ATG10: variants seen among roughly 807,000 people sequenced by gnomAD.
ATG10 encodes the protein autophagy related 10.
In ATG10, 30 loss-of-function variants were observed where a neutral mutation model predicts 32.1. The observed-to-expected ratio is 0.94, with a 90% CI of 0.70 to 1.27. The LOEUF (loss-of-function observed/expected upper bound fraction) is 1.27. ATG10 is among the 50% of genes most tolerant of loss of function. ATG10 has a pLI of 0.00. For missense variants in ATG10, 233 were observed against 262.3 expected (o/e 0.89, Z 0.77); for synonymous variants, 87 against 91.5 (o/e 0.95, Z 0.28).
At chr5:82,114,916 C>T (rs752654203) in intron 3 of ATG10, among the ~76,000 whole-genome samples, 3 of 151,964 alleles carry the variant, frequency 2.0e-5, no homozygotes, top group Non-Finnish European at 1.5e-5. Flanking sequence ...ACAATATGAT[C>T]GCTACTAGCC....
chr5:82,160,568 A>G (rs1185889519), intron 3 of ATG10, among the ~76,000 whole-genome samples: 1 of 152,158 alleles, frequency 6.6e-6, no homozygotes, highest in Non-Finnish European at 1.5e-5. Context: ...TCTATGAGAA[A>G]CTGTCATATG....
intron 3 of ATG10, among the ~76,000 whole-genome samples, chr5:82,129,820 G>T (rs1037372316): frequency 3.3e-5 from 5 of 152,104 alleles, no homozygotes; most frequent in East Asian, 3.9e-4. Flanking sequence ...AGTCAGGGGG[G>T]TCAGGGAGCC....
intron 1 of ATG10, among the ~76,000 whole-genome samples, chr5:81,976,622 A>G (rs1005497560): frequency 6.6e-6 from 1 of 152,094 alleles, no homozygotes; most frequent in Non-Finnish European, 1.5e-5. Flanking sequence ...CCAATCACAG[A>G]TTTTCTTGGC....
At chr5:81,987,396 A>G (rs1260181978) in intron 1 of ATG10, among the ~76,000 whole-genome samples, 163 bp from the exon 2 acceptor site, 2 of 152,210 alleles carry the variant, frequency 1.3e-5, no homozygotes, top group South Asian at 2.1e-4. Context: ...AATTGCTGGG[A>G]TTACAGATGT....
In ATG10 at chr5:82,117,973, G is replaced by A. The variant is rs182632504; in HGVS notation, c.217-46426G>A. ...ACAGAGTCATGATTGGGCCATAAGA[G>A]GAGATGTTGCTGTCAGAGAGACCAG... On this transcript the variant is annotated intron_variant, in intron 3 of 7. Coordinates refer to ENST00000282185, the MANE Select transcript of ATG10 (RefSeq NM_031482.5). Among the ~76,000 whole-genome samples the A allele has an allele frequency of 1.3e-3, 191 of 152,136 alleles. 4 individuals carry two copies. Among genetic ancestry groups the A allele is most frequent in the Admixed American group, 2.6e-3 (39 of 15,264 alleles).
chr5:82,221,673 AATGTAGAG>A (rs1433365848), intron 5 of ATG10, among the ~76,000 whole-genome samples: 1 of 152,206 alleles, frequency 6.6e-6, no homozygotes, highest in Non-Finnish European at 1.5e-5. Context: ...CAAAAGCCAC[AATGTAGAG>A]ATGGTTCAAG....
chr5:82,248,620 A>G (rs1747126064), intron 5 of ATG10, among the ~76,000 whole-genome samples: 2 of 152,124 alleles, frequency 1.3e-5, no homozygotes, highest in African/African-American at 4.8e-5. Context: ...GTTTTTGACA[A>G]TTTTGTTCAT....
chr5:82,170,353 CA>C (rs1162714236), intron 4 of ATG10, among the ~76,000 whole-genome samples: 2 of 152,146 alleles, frequency 1.3e-5, no homozygotes, highest in Non-Finnish European at 2.9e-5. Flanking sequence ...TATGCTGAAA[CA>C]AATCACTGCC....
chr5:82,178,604 AT>A lies in ATG10; in HGVS notation c.453+21del. 1 of 1,466,078 alleles carries A rather than the reference AT, an allele frequency of 6.8e-7. No homozygotes were observed. The highest frequency in any genetic ancestry group is 9.6e-7 in the Non-Finnish European group (1 of 1,045,914). The allele number at this position is 1,466,078 out of a possible 1,614,324, so 90.8% of individuals were successfully genotyped here. On this transcript the variant is annotated intron_variant, in intron 5 of 7. Transcript: ENST00000282185. ...ACGCAACAGGTTGGAGAGTATTGTC[AT>A]TTTATTGTATGCATGTTATTGTATT...
chr5:82,118,570 G>T (rs1765922640), intron 3 of ATG10, among the ~76,000 whole-genome samples: 2 of 151,530 alleles, frequency 1.3e-5, no homozygotes, highest in South Asian at 4.2e-4. Flanking sequence ...GACATGAAAT[G>T]CATGAGGATG....
At chr5:82,041,816 C>G (rs1763092699) in intron 2 of ATG10, among the ~76,000 whole-genome samples, 1 of 151,226 alleles carries the variant, frequency 6.6e-6, no homozygotes, top group Admixed American at 6.6e-5. Context: ...TTTTTTTGGT[C>G]TGTTTCATTT....
chr5:82,245,101 G>A (rs1434704832), intron 5 of ATG10, among the ~76,000 whole-genome samples: 1 of 152,156 alleles, frequency 6.6e-6, no homozygotes, highest in Admixed American at 6.5e-5. Context: ...ATCGATCTAA[G>A]AAATGTCACT....
intron 2 of ATG10, among the ~76,000 whole-genome samples, chr5:82,007,443 GTAAT>G (rs1489018855): frequency 6.6e-6 from 1 of 152,094 alleles, no homozygotes; most frequent in Non-Finnish European, 1.5e-5. Context: ...TAGAGAGTAA[GTAAT>G]AGAATTCATA....
At chr5:81,984,076 G>A (rs1761176086) in intron 1 of ATG10, among the ~76,000 whole-genome samples, 1 of 152,216 alleles carries the variant, frequency 6.6e-6, no homozygotes, top group African/African-American at 2.4e-5. Flanking sequence ...CAAGGCAGGC[G>A]GCTGGGAGGT....
chr5:82,023,756 G>A (rs1455416536), intron 2 of ATG10, among the ~76,000 whole-genome samples: 6 of 152,118 alleles, frequency 3.9e-5, no homozygotes, highest in African/African-American at 7.2e-5. Context: ...AAGTGCACCC[G>A]CTGTTTATTC....
chr5:82,068,470 C>G (rs1046175504), intron 3 of ATG10, among the ~76,000 whole-genome samples: 1 of 151,724 alleles, frequency 6.6e-6, no homozygotes, highest in African/African-American at 2.4e-5. Flanking sequence ...ATGGGTGCAG[C>G]AAACCACCAT....
chr5:82,170,712 G>C (rs1485998322), intron 4 of ATG10, among the ~76,000 whole-genome samples: 1 of 152,002 alleles, frequency 6.6e-6, no homozygotes, highest in Non-Finnish European at 1.5e-5. Flanking sequence ...TTGGGAGGCC[G>C]AGGCTGGCAG....
chr5:82,090,091 A>G (rs1027984454), intron 3 of ATG10, among the ~76,000 whole-genome samples: 1 of 151,890 alleles, frequency 6.6e-6, no homozygotes, highest in Non-Finnish European at 1.5e-5. Flanking sequence ...ACCAAACCAA[A>G]CAAAAACAGT....
At chr5:82,069,029 A>C (rs1377413524) in intron 3 of ATG10, among the ~76,000 whole-genome samples, 1 of 151,898 alleles carries the variant, frequency 6.6e-6, no homozygotes, top group African/African-American at 2.4e-5. Context: ...GTAGAATCTA[A>C]AATTTGAGTT....
Sources: gnomAD v4.1 joint callset for allele counts (sites outside exome capture counted in the v4.1 genomes callset) on GRCh38, gnomAD v4.1.1 for gene constraint, MANE v1.5 for transcripts, NCBI Gene and HGNC (gene_info 2026-07-23, HGNC 2026-07-21) for gene names.